Variants in RBFOX1 observed in about 807,000 individuals in gnomAD.
RBFOX1 encodes RNA binding fox-1 homolog 1, also known as RNA binding protein fox-1 homolog 1.
In RBFOX1, 8 loss-of-function variants were observed where a neutral mutation model predicts 57.7. The ratio of observed to expected loss-of-function variants is 0.14; its 90% confidence interval spans 0.08 to 0.25. RBFOX1 has a LOEUF of 0.25. Ranked by LOEUF, RBFOX1 falls within the 10% of genes least tolerant of loss-of-function variation. The probability of loss-of-function intolerance (pLI) is 1.00; values close to 1 mark genes in which losing one functional copy is unlikely to be tolerated. For synonymous variants in RBFOX1, 326 were observed against 222.4 expected, an observed-to-expected ratio of 1.47 and a Z score of -4.15; for missense variants, 611 against 548.5, an observed-to-expected ratio of 1.11 and a Z score of -1.14.
chr16:6,487,987 G>A (rs936338788), intron 2 of RBFOX1, among the ~76,000 whole-genome samples: 1 of 151,912 alleles, frequency 6.6e-6, no homozygotes, highest in Non-Finnish European at 1.5e-5. Context: ...TTCACACAAA[G>A]AGTGTACACA....
intron 1 of RBFOX1, among the ~76,000 whole-genome samples, chr16:6,252,896 G>A (rs2097630262): frequency 6.6e-6 from 1 of 151,954 alleles, no homozygotes; most frequent in African/African-American, 2.4e-5. Context: ...ATAATAGAAG[G>A]GATTGTTCAA....
intron 3 of RBFOX1, among the ~76,000 whole-genome samples, chr16:6,864,995 C>CTTTTTTTTTT (rs34341448): frequency 1.6e-4 from 13 of 82,536 alleles, no homozygotes; most frequent in African/African-American, 6.8e-4. Flanking sequence ...TTTTCTTTTT[C>CTTTTTTTTTT]TTTTTTTTTT....
At chr16:6,768,469 A>G (rs2077733292) in intron 3 of RBFOX1, among the ~76,000 whole-genome samples, 1 of 152,002 alleles carries the variant, frequency 6.6e-6, no homozygotes, top group South Asian at 2.1e-4. Flanking sequence ...CAGCCCACAC[A>G]AGCCTTCTAA....
At chr16:6,879,159 G>A (rs916798778) in intron 3 of RBFOX1, among the ~76,000 whole-genome samples, 3 of 152,040 alleles carry the variant, frequency 2.0e-5, no homozygotes, top group Non-Finnish European at 4.4e-5. Flanking sequence ...TTGACAAAAC[G>A]GCTGCAAGAA....
chr16:7,431,101 A>G (rs2098675209), intron 4 of RBFOX1: 1 of 152,164 alleles, frequency 6.6e-6, no homozygotes, highest in Non-Finnish European at 1.5e-5. Flanking sequence ...AACAACCTCA[A>G]ACCCAAACTG....
intron 5 of RBFOX1, among the ~76,000 whole-genome samples, chr16:7,577,760 A>G (rs12149404): frequency 0.92 from 139,294 of 151,986 alleles, 64,183 homozygotes; most frequent in Middle Eastern, 0.97. Context: ...TTAGCTGGGT[A>G]TAATGGCTCA....
intron 14 of RBFOX1, among the ~76,000 whole-genome samples, chr16:7,701,219 G>T (rs1230667002): frequency 6.6e-6 from 1 of 152,180 alleles, no homozygotes; most frequent in Non-Finnish European, 1.5e-5. Context: ...TCCACTTCTA[G>T]TTTTATCATT....
intron 2 of RBFOX1, among the ~76,000 whole-genome samples, chr16:6,565,727 C>T (rs1406709802): frequency 1.3e-5 from 2 of 152,218 alleles, no homozygotes; most frequent in Non-Finnish European, 2.9e-5. Flanking sequence ...TTTGGCTTTC[C>T]AAAGTGCTGG....
chr16:7,339,396 T>C (rs1173740245), intron 4 of RBFOX1, among the ~76,000 whole-genome samples: 1 of 152,210 alleles, frequency 6.6e-6, no homozygotes, highest in Non-Finnish European at 1.5e-5. Context: ...AAAGTATGTT[T>C]ATTCTGTATT....
intron 4 of RBFOX1, among the ~76,000 whole-genome samples, chr16:7,439,726 TG>T (rs2098751069): frequency 6.6e-6 from 1 of 152,216 alleles, no homozygotes; most frequent in African/African-American, 2.4e-5. Context: ...GCATTGCTAA[TG>T]GATGTGTCTT....
intron 2 of RBFOX1, among the ~76,000 whole-genome samples, chr16:5,548,642 A>G (rs1283237212): frequency 6.6e-6 from 1 of 152,082 alleles, no homozygotes; most frequent in Non-Finnish European, 1.5e-5. Context: ...CCAACTATGT[A>G]CCCAAATGAT....
At chr16:7,177,678 A>G (rs2081952239) in intron 4 of RBFOX1, among the ~76,000 whole-genome samples, 1 of 152,098 alleles carries the variant, frequency 6.6e-6, no homozygotes, top group Non-Finnish European at 1.5e-5. Context: ...ACTTCCACAA[A>G]ATTCTAGGAC....
intron 4 of RBFOX1, among the ~76,000 whole-genome samples, chr16:7,214,787 A>G (rs1035500353): frequency 2.0e-5 from 3 of 152,170 alleles, no homozygotes; most frequent in African/African-American, 7.2e-5. Flanking sequence ...TCACCCCTGC[A>G]AAATGAAGTA....
chr16:5,938,635 G>C (rs561107631), intron 4 of RBFOX1, among the ~76,000 whole-genome samples: 4 of 152,252 alleles, frequency 2.6e-5, no homozygotes, highest in African/African-American at 9.6e-5. Context: ...GGATGCAACA[G>C]ACCTGACTTT....
intron 4 of RBFOX1, among the ~76,000 whole-genome samples, chr16:7,315,960 A>G (rs925126793): frequency 5.9e-5 from 9 of 152,218 alleles, no homozygotes; most frequent in Admixed American, 6.5e-5. Flanking sequence ...AACCCATATT[A>G]CAGCATTTTG....
chr16:7,553,256 C>T (rs2087163269), intron 5 of RBFOX1, among the ~76,000 whole-genome samples: 1 of 152,074 alleles, frequency 6.6e-6, no homozygotes, highest in African/African-American at 2.4e-5. Context: ...ATTATCTTCC[C>T]AGGTCAGCCT....
At chr16:5,424,527 CTTT>C (rs34944009) in intron 1 of RBFOX1, among the ~76,000 whole-genome samples, 14 of 144,122 alleles carry the variant, frequency 9.7e-5, no homozygotes, top group Admixed American at 1.4e-4. Context: ...TGGCGTTTTA[CTTT>C]TTTTTTTTTT....
At chr16:5,972,752 C>G (rs534234018) in intron 4 of RBFOX1, among the ~76,000 whole-genome samples, 1 of 152,272 alleles carries the variant, frequency 6.6e-6, no homozygotes, top group East Asian at 1.9e-4. Context: ...GCACGTGTTT[C>G]TCACCCTCTC....
chr16:6,563,259 T>A (rs1446031821), intron 2 of RBFOX1, among the ~76,000 whole-genome samples: 3 of 152,210 alleles, frequency 2.0e-5, no homozygotes, highest in African/African-American at 7.2e-5. Context: ...GCATGAGATT[T>A]AGAAGCATTG....
Sources: allele counts gnomAD v4.1 joint callset (sites outside exome capture counted in the v4.1 genomes callset), GRCh38; gene constraint gnomAD v4.1.1; transcripts MANE v1.5; gene names NCBI Gene and HGNC (gene_info 2026-07-23, HGNC 2026-07-21).